KCNJ6: variants seen among roughly 807,000 people sequenced by gnomAD.
KCNJ6 encodes the protein potassium inwardly rectifying channel subfamily J member 6.
A neutral mutation model predicts 34.2 loss-of-function variants in KCNJ6; 9 were observed. The observed-to-expected ratio is 0.26, with a 90% CI of 0.16 to 0.46. The LOEUF is 0.46. Ranked by LOEUF, KCNJ6 falls within the 20% of genes least tolerant of loss-of-function variation. KCNJ6 has a pLI of 1.00. For missense variants in KCNJ6, 236 were observed against 531.3 expected (o/e 0.44, Z 5.46); for synonymous variants, 196 against 207.1 (o/e 0.95, Z 0.46).
At chr21:37,822,617 G>A (rs2055378798) in intron 2 of KCNJ6, among the ~76,000 whole-genome samples, 1 of 152,184 alleles carries the variant, frequency 6.6e-6, no homozygotes, top group Non-Finnish European at 1.5e-5. Flanking sequence ...TTATATTGGG[G>A]TCTATGGCTT....
rs1221879939 is a variant in KCNJ6, at chr21:37,615,715, T to C, written c.*9444A>G. On this transcript the variant is annotated 3_prime_UTR_variant, in exon 4 of 4. Transcript: ENST00000609713. The stretch of plus-strand genomic sequence containing the variant: ...AGAATCCATAAGTAAATTTTAAAAT[T>C]GCTTTTGTTTATATTTGTGCTTATT... 3 of 152,204 alleles carry C rather than the reference T, an allele frequency of 2.0e-5. No homozygotes were observed. The highest frequency in any genetic ancestry group is 4.4e-5 in the Non-Finnish European group (3 of 68,028). 9.4% of individuals were successfully genotyped at this position (152,204 alleles called of 1,614,324 possible).
At chr21:37,728,069 A>C (rs1017431392) in intron 2 of KCNJ6, among the ~76,000 whole-genome samples, 1 of 152,242 alleles carries the variant, frequency 6.6e-6, no homozygotes, top group Non-Finnish European at 1.5e-5. Flanking sequence ...CCATCAACAG[A>C]AAAATGGATA....
chr21:37,731,819 GA>G (rs1368377283), intron 2 of KCNJ6, among the ~76,000 whole-genome samples: 6 of 152,214 alleles, frequency 3.9e-5, no homozygotes, highest in Non-Finnish European at 2.9e-5. Context: ...CAGGCAGTGA[GA>G]AGGCGGAGGA....
chr21:37,816,508 TCTC>T (rs2123548709), intron 2 of KCNJ6, among the ~76,000 whole-genome samples: 1 of 152,362 alleles, frequency 6.6e-6, no homozygotes, highest in Admixed American at 6.5e-5. Context: ...ATGTATTTTC[TCTC>T]CTCCTCGCCC....
At position 37,715,101 on chromosome 21, in the gene KCNJ6, T is replaced by C; in HGVS notation, c.56A>G (p.Gln19Arg). Residue 19 changes from glutamine (Q) to arginine (R), a missense_variant, in exon 3 of 4, where the codon CAG becomes CGG. Coordinates refer to ENST00000609713, the MANE Select transcript of KCNJ6 (RefSeq NM_002240.5). ...AATGGCCACTGGGCTTTCGACGTCCTGATCCATGGAGTCGCCCTCCAGGAC... is the reference window on the plus strand; with the variant it reads ...AATGGCCACTGGGCTTTCGACGTCCCGATCCATGGAGTCGCCCTCCAGGAC... Reference protein sequence around the residue: ...TNVLEGDSMDQDVESPVAIHQ... With the variant: ...TNVLEGDSMDRDVESPVAIHQ... 6.2e-7 allele frequency: 1 copy of C among 1,613,962 alleles called. No homozygotes were observed. Among genetic ancestry groups the C allele is most frequent in the Non-Finnish European group, 8.5e-7 (1 of 1,179,914 alleles).
intron 2 of KCNJ6, among the ~76,000 whole-genome samples, chr21:37,826,552 C>G (rs992053822): frequency 6.6e-6 from 1 of 151,628 alleles, no homozygotes; most frequent in Admixed American, 6.6e-5. Context: ...CCTCTTCCCC[C>G]CTCCCTCATG....
chr21:37,630,158 G>GTGTGTGTGTGTGTGTGT (rs1556010880), intron 3 of KCNJ6, among the ~76,000 whole-genome samples: 11 of 145,808 alleles, frequency 7.5e-5, no homozygotes, highest in East Asian at 2.0e-4. Flanking sequence ...GTGTGTGTGT[G>GTGTGTGTGTGTGTGTGT]GTGTTTATGT....
At chr21:37,802,181 G>T (rs1230520600) in intron 2 of KCNJ6, among the ~76,000 whole-genome samples, 1 of 152,120 alleles carries the variant, frequency 6.6e-6, no homozygotes, top group Non-Finnish European at 1.5e-5. Flanking sequence ...TCATCCTGTG[G>T]TCCTTTCTTA....
intron 1 of KCNJ6, among the ~76,000 whole-genome samples, chr21:37,875,875 C>T (rs147096644): frequency 2.8e-4 from 43 of 152,260 alleles, no homozygotes; most frequent in African/African-American, 8.9e-4. Context: ...TAATTCAGGG[C>T]TCTAACAGCG....
chr21:37,699,963 TC>T (rs1162211986), intron 3 of KCNJ6, among the ~76,000 whole-genome samples: 2 of 152,144 alleles, frequency 1.3e-5, no homozygotes, highest in African/African-American at 4.8e-5. Context: ...TTACATAGCG[TC>T]CGGTGGAAAG....
At chr21:37,881,852 TCTGTAG>T (rs2055710167) in intron 1 of KCNJ6, among the ~76,000 whole-genome samples, 1 of 152,154 alleles carries the variant, frequency 6.6e-6, no homozygotes, top group Non-Finnish European at 1.5e-5. Context: ...TCTACAGCAG[TCTGTAG>T]ACAAAAGGAC....
At chr21:37,761,322 G>A (rs1448335685) in intron 2 of KCNJ6, among the ~76,000 whole-genome samples, 3 of 2,002 alleles carry the variant, frequency 1.5e-3, no homozygotes, top group Non-Finnish European at 2.2e-3. Flanking sequence ...TGTGTGTCTT[G>A]TGTGTATTAG....
At chr21:37,683,224 GC>G (rs1340265401) in intron 3 of KCNJ6, among the ~76,000 whole-genome samples, 2 of 152,180 alleles carry the variant, frequency 1.3e-5, no homozygotes, top group Non-Finnish European at 2.9e-5. Context: ...CACAAAGCAA[GC>G]CTGAAAGAAA....
intron 2 of KCNJ6, among the ~76,000 whole-genome samples, chr21:37,771,973 T>C (rs918602179): frequency 6.6e-6 from 1 of 152,202 alleles, no homozygotes; most frequent in Non-Finnish European, 1.5e-5. Flanking sequence ...TATGGAACGA[T>C]GTTTTCCCCT....
rs1332404395 is a variant in KCNJ6 at position 37,629,412 on chromosome 21, AT to A, written c.947-3929del. ...CTGAATTGTGCACCCCCACCCCCAC[AT>A]TCATATGCTGAAGTCCTAATCTCCG... On this transcript the variant is annotated intron_variant, in intron 3 of 3. Coordinates refer to ENST00000609713, the MANE Select transcript of KCNJ6 (RefSeq NM_002240.5). 2.0e-5 allele frequency among the ~76,000 whole-genome samples: 3 copies of A among 152,140 alleles called. No individual in the cohort carries two copies. In the East Asian group the frequency reaches 5.8e-4, roughly 29 times the overall value.
At chr21:37,629,372 G>A (rs967161927) in intron 3 of KCNJ6, among the ~76,000 whole-genome samples, 5 of 152,114 alleles carry the variant, frequency 3.3e-5, no homozygotes, top group Non-Finnish European at 7.4e-5. Flanking sequence ...GTTGTCTTAA[G>A]TGTACTATTA....
At chr21:37,771,149 T>C (rs949669820) in intron 2 of KCNJ6, among the ~76,000 whole-genome samples, 4 of 152,184 alleles carry the variant, frequency 2.6e-5, no homozygotes, top group African/African-American at 9.7e-5. Flanking sequence ...GTGGTCTTTG[T>C]TGGTCTTTTA....
chr21:37,765,364 G>A (rs981301749), intron 2 of KCNJ6, among the ~76,000 whole-genome samples: 2 of 152,192 alleles, frequency 1.3e-5, no homozygotes, highest in African/African-American at 2.4e-5. Context: ...AAGATCAGTG[G>A]TTCTGAACTG....
At chr21:37,708,595 A>G (rs1352431700) in intron 3 of KCNJ6, among the ~76,000 whole-genome samples, 1 of 84,488 alleles carries the variant, frequency 1.2e-5, no homozygotes, top group East Asian at 3.6e-4. Flanking sequence ...AATTGAAAAA[A>G]ATCACTCCTT....
Sources: gnomAD v4.1 joint callset for allele counts (sites outside exome capture counted in the v4.1 genomes callset) on GRCh38, gnomAD v4.1.1 for gene constraint, MANE v1.5 for transcripts, NCBI Gene and HGNC (gene_info 2026-07-23, HGNC 2026-07-21) for gene names.